Variants in RHOU observed in about 807,000 individuals in gnomAD.
The protein encoded by RHOU is rho-related GTP-binding protein RhoU.
Under a neutral mutation model 12.6 loss-of-function variants are expected in RHOU, and 8 were observed. The ratio of observed to expected loss-of-function variants is 0.64; its 90% confidence interval spans 0.37 to 1.15. RHOU has a LOEUF of 1.15. RHOU is among the 50% of genes most tolerant of loss of function. RHOU has a pLI of 0.01. For synonymous variants in RHOU, 161 were observed against 147.4 expected (o/e 1.09, Z -0.67); for missense variants, 258 against 347.0 (o/e 0.74, Z 2.04).
chr1:228,650,455 A>T, the RHOU span: 1 of 456,692 alleles, frequency 2.2e-6, no homozygotes, highest in Non-Finnish European at 4.4e-6. Flanking sequence ...GCCTCGGAGC[A>T]CGCTGCTGCT....
At position 228,737,052 on chromosome 1, in the gene RHOU, C is replaced by G. The variant is rs1454603806; in HGVS notation, c.263-621C>G. Reference sequence around the variant, plus strand: ...AAAATAGAAACCTCCACAACATGTCCTGCTGCAGGCCTCTCCACACTCCCC... The same window carrying G: ...AAAATAGAAACCTCCACAACATGTCGTGCTGCAGGCCTCTCCACACTCCCC... On this transcript the variant is annotated intron_variant, in intron 1 of 2. Coordinates refer to ENST00000366691, the MANE Select transcript of RHOU (RefSeq NM_021205.6). This position sits in a 1 kb window ranked among gnomAD's most constrained non-coding sequence, Gnocchi z 4.1. Among the ~76,000 whole-genome samples, 2 of 151,872 alleles carry G rather than the reference C, an allele frequency of 1.3e-5. No individual in the cohort carries two copies. Among genetic ancestry groups the G allele is most frequent in the Non-Finnish European group, 2.9e-5 (2 of 68,002 alleles).
chr1:228,694,839 T>C, the RHOU span, among the ~76,000 whole-genome samples: 17 of 152,348 alleles, frequency 1.1e-4, no homozygotes, highest in African/African-American at 3.8e-4. Flanking sequence ...CGTAATGGGA[T>C]TGCTGGATCA....
At chr1:228,739,995 C>CA (rs1205843343) in intron 2 of RHOU, among the ~76,000 whole-genome samples, 2 of 152,144 alleles carry the variant, frequency 1.3e-5, no homozygotes. Flanking sequence ...AAGGAGCAAG[C>CA]AAAGGGAAGA....
At chr1:228,709,356 AT>A in the RHOU span, among the ~76,000 whole-genome samples, 2 of 144,636 alleles carry the variant, frequency 1.4e-5, no homozygotes, top group African/African-American at 2.5e-5. Flanking sequence ...CAGAATATAC[AT>A]TTTTTTCAGC....
the RHOU span, among the ~76,000 whole-genome samples, chr1:228,713,735 T>C: frequency 1.3e-5 from 2 of 152,300 alleles, no homozygotes; most frequent in South Asian, 2.1e-4. Context: ...GCCTGTTTTA[T>C]AGTCAGTCAG....
chr1:228,729,885 C>T, the RHOU span, among the ~76,000 whole-genome samples: 1 of 152,210 alleles, frequency 6.6e-6, no homozygotes, highest in Admixed American at 6.5e-5. Context: ...AAAAGGACTT[C>T]TGGAGGCAGG....
the RHOU span, among the ~76,000 whole-genome samples, chr1:228,707,264 G>A: frequency 2.6e-3 from 255 of 98,108 alleles, 1 homozygote; most frequent in African/African-American, 0.013. Context: ...TAGTGTGTGT[G>A]TGTGTGTGTG....
At chr1:228,657,656 C>T in the RHOU span, among the ~76,000 whole-genome samples, 2 of 152,140 alleles carry the variant, frequency 1.3e-5, no homozygotes, top group South Asian at 4.1e-4. Context: ...AGGACTTGAA[C>T]AACACAATAA....
chr1:228,689,580 T>C, the RHOU span, among the ~76,000 whole-genome samples: 2 of 152,110 alleles, frequency 1.3e-5, no homozygotes, highest in African/African-American at 4.8e-5. Flanking sequence ...CAGGTGCTGG[T>C]CTGTGGTCTG....
At chr1:228,721,944 C>T in the RHOU span, among the ~76,000 whole-genome samples, 2 of 152,184 alleles carry the variant, frequency 1.3e-5, no homozygotes, top group African/African-American at 4.8e-5. Flanking sequence ...TGAGCCACCA[C>T]ACCCGGCCTT....
the RHOU span, among the ~76,000 whole-genome samples, chr1:228,655,106 C>CTTTTTT: frequency 1.5e-5 from 2 of 137,038 alleles, no homozygotes; most frequent in Non-Finnish European, 3.2e-5. Flanking sequence ...ATTAACCTTG[C>CTTTTTT]TTTTTTTTTT....
the RHOU span, among the ~76,000 whole-genome samples, chr1:228,728,656 TTA>T: frequency 3.3e-5 from 5 of 152,354 alleles, no homozygotes; most frequent in Admixed American, 3.3e-4. Context: ...TTAATATGAT[TTA>T]TATGTTTGAA....
chr1:228,730,886 TATG>T (rs1174681599), upstream of RHOU, among the ~76,000 whole-genome samples: 1 of 152,196 alleles, frequency 6.6e-6, no homozygotes, highest in Non-Finnish European at 1.5e-5. Context: ...TTATATTTAA[TATG>T]ATGATGACAA....
chr1:228,646,871 G>A, the RHOU span, among the ~76,000 whole-genome samples: 33 of 152,096 alleles, frequency 2.2e-4, no homozygotes, highest in Middle Eastern at 6.8e-3. Flanking sequence ...GATGGATGGA[G>A]AGATAGAAAC....
At chr1:228,674,882 C>T in the RHOU span, among the ~76,000 whole-genome samples, 1 of 152,096 alleles carries the variant, frequency 6.6e-6, no homozygotes, top group South Asian at 2.1e-4. Context: ...AGGCGCCTGC[C>T]ACCATGCCCG....
the RHOU span, among the ~76,000 whole-genome samples, chr1:228,715,862 TG>T: frequency 6.6e-6 from 1 of 151,896 alleles, no homozygotes; most frequent in Admixed American, 6.6e-5. Flanking sequence ...ATGTGATTCA[TG>T]ATAGAAATAG....
the RHOU span, among the ~76,000 whole-genome samples, chr1:228,697,156 G>C: frequency 6.6e-6 from 1 of 152,140 alleles, no homozygotes; most frequent in African/African-American, 2.4e-5. Flanking sequence ...TCTGCATGCT[G>C]AATATGCTAT....
At chr1:228,692,604 T>A in the RHOU span, among the ~76,000 whole-genome samples, 915 of 152,262 alleles carry the variant, frequency 6.0e-3, 7 homozygotes, top group African/African-American at 0.015. Flanking sequence ...AAAATTTTTT[T>A]AAAAATATTT....
chr1:228,681,671 G>A, the RHOU span, among the ~76,000 whole-genome samples: 2 of 152,064 alleles, frequency 1.3e-5, no homozygotes, highest in Admixed American at 6.6e-5. Context: ...AACCATTGTC[G>A]AGTTTGTATT....
Sources: gnomAD v4.1 joint callset for allele counts (sites outside exome capture counted in the v4.1 genomes callset) on GRCh38, gnomAD v4.1.1 for gene constraint, Gnocchi (gnomAD v3.1) non-coding constraint, MANE v1.5 for transcripts, NCBI Gene and HGNC (gene_info 2026-07-23, HGNC 2026-07-21) for gene names.